Variants in GFAP observed in about 807,000 individuals in gnomAD.
The protein encoded by GFAP is intermediate filament protein.
Under a neutral mutation model 49.3 loss-of-function variants are expected in GFAP, and 38 were observed. The observed-to-expected ratio is 0.77, with a 90% CI of 0.60 to 1.01. The LOEUF (loss-of-function observed/expected upper bound fraction) is 1.01, where lower values mean the gene tolerates loss of function less well. GFAP is among the 50% of genes least tolerant of loss of function. The pLI, the probability that GFAP is intolerant of heterozygous loss-of-function variation, is 0.00. For synonymous variants in GFAP, 222 were observed against 236.4 expected, an observed-to-expected ratio of 0.94 and a Z score of 0.56; for missense variants, 463 against 579.1, an observed-to-expected ratio of 0.80 and a Z score of 2.06.
chr17:44,915,238 G>A lies in GFAP; in HGVS notation c.249C>T (p.Tyr83=), dbSNP rs376445684. ...GTTCCAGGAAGCGAACCTTCTCGAT[G>A]TAGCTGGCAAAGCGGTCATTGAGCT... The part of the protein sequence containing the change: ...MMELNDRFAS[Y]IEKVRFLEQQ... The change falls in exon 1 of 9, where the codon TAC becomes TAT. Residue 83 remains tyrosine (Y), a synonymous_variant. Coordinates refer to ENST00000588735, the MANE Select transcript of GFAP (RefSeq NM_002055.5). The surrounding 1 kb of genome is among the most constrained non-coding windows in gnomAD (Gnocchi z 4.1). The A allele has an allele frequency of 6.2e-7, 1 of 1,614,234 alleles. No homozygotes were observed. The highest frequency in any genetic ancestry group is 8.5e-7 in the Non-Finnish European group (1 of 1,180,040).
chr17:44,911,472 G>A lies in GFAP; in HGVS notation c.907-16C>T, dbSNP rs751906242. The A allele has an allele frequency of 3.8e-6, 6 of 1,589,548 alleles. No individual in the cohort carries two copies. The South Asian group carries it at 4.5e-5, about 12-fold the overall frequency. ...GGGACTCGTTCTGTGGGATGGAGCC[G>A]GCCGGTCCCGCGGAGCCCCGACCCG... On this transcript the variant is annotated splice_polypyrimidine_tract_variant and intron_variant, in intron 5 of 8. Coordinates refer to ENST00000588735, the MANE Select transcript of GFAP (RefSeq NM_002055.5).
Position 44,915,418 on chromosome 17 carries a change from C to T in GFAP, c.69G>A (p.Gly23=), listed in dbSNP as rs773164745. 1.1e-5 allele frequency: 18 copies of T among 1,608,068 alleles called. No individual in the cohort carries two copies. The East Asian group carries it at 1.8e-4, about 16-fold the overall frequency. ...CCAGACGGCGGCCAGGAGCCAGGCCCCCCACCATCATCTCCCCTGAGGAGA... is the reference window on the plus strand; with the variant it reads ...CCAGACGGCGGCCAGGAGCCAGGCCTCCCACCATCATCTCCCCTGAGGAGA... ...SYVSSGEMMV[G]GLAPGRRLGP... is the part of the protein sequence containing the mutation. Residue 23 remains glycine, a synonymous_variant, in exon 1 of 9, where the codon GGG becomes GGA. Coordinates refer to ENST00000588735, the MANE Select transcript of GFAP (RefSeq NM_002055.5). The surrounding 1 kb of genome is among the most constrained non-coding windows in gnomAD (Gnocchi z 4.1).
Position 44,913,760 on chromosome 17 carries a change from C to A in GFAP, c.586G>T (p.Glu196Ter), listed in dbSNP as rs199715194. The A allele has an allele frequency of 2.5e-6, 4 of 1,613,944 alleles. No homozygotes were observed. The African/African-American group carries it at 5.3e-5, about 22-fold the overall frequency. The change falls in exon 3 of 9, where the codon GAG becomes TAG. Residue 196 changes from glutamate to a stop codon, truncating the protein, a stop_gained. Coordinates refer to ENST00000588735, the MANE Select transcript of GFAP (RefSeq NM_002055.5). LOFTEE classifies it high-confidence loss of function. ...TGGATCTTCCTCAAGAACCGGATCT[C>A]CTCCTCCAGCGACTCAATCTTCCTC... ...LERKIESLEE[E>*]IRFLRKIHEE...
Position 44,906,242 on chromosome 17 carries a change from C to T in GFAP, c.*1105G>A, listed in dbSNP as rs1033241397. On this transcript the variant is annotated 3_prime_UTR_variant, in exon 9 of 9. Transcript: ENST00000588735. ...CTGCCCCCATGGATACATCCCCTTT[C>T]TCTCCTGTTTCAGCATCTTCAAGAG... 4 of 152,304 alleles carry T rather than the reference C, an allele frequency of 2.6e-5. No individual in the cohort carries two copies. The highest frequency in any genetic ancestry group is 2.6e-4 in the Admixed American group (4 of 15,286). 9.4% of individuals were successfully genotyped at this position (152,304 alleles called of 1,614,324 possible). A position where few individuals can be genotyped will look rare whatever the true frequency, so the allele number is the denominator to read the frequency against.
intron 8 of GFAP, 80 bp downstream of exon 8, chr17:44,907,984 C>T (rs2051678308): frequency 3.1e-6 from 3 of 974,370 alleles, no homozygotes; most frequent in Admixed American, 1.7e-5. Context: ...TATGTGCCAG[C>T]CCCAGGCTTT....
intron 7 of GFAP, chr17:44,908,417 A>C: frequency 2.5e-6 from 1 of 394,176 alleles, no homozygotes; most frequent in Non-Finnish European, 4.6e-6. Flanking sequence ...GCTTTCTGAA[A>C]ACCCAGCACG....
rs1206812742 is a variant in GFAP, at chr17:44,904,858, C to G, written c.*2489G>C. ...CCCAGCTGGATGACCGGGGCATCTACTATTGCTGGAGGCAGGGTGTGCTAG... is the reference window on the plus strand; with the variant it reads ...CCCAGCTGGATGACCGGGGCATCTAGTATTGCTGGAGGCAGGGTGTGCTAG... On this transcript the variant is annotated 3_prime_UTR_variant, in exon 9 of 9. Coordinates refer to ENST00000588735, the MANE Select transcript of GFAP (RefSeq NM_002055.5). 6.4e-7 allele frequency: 1 copy of G among 1,550,564 alleles called. No individual in the cohort carries two copies. Among genetic ancestry groups the G allele is most frequent in the African/African-American group, 1.4e-5 (1 of 73,056 alleles).
At chr17:44,914,523 G>A (rs1017281427) in intron 1 of GFAP, 6 of 222,992 alleles carry the variant, frequency 2.7e-5, no homozygotes, top group Non-Finnish European at 5.3e-5. Context: ...TCACAGCTGT[G>A]CAAGTCAAAG....
chr17:44,903,905 A>G lies in GFAP; in HGVS notation c.*3442T>C. On this transcript the variant is annotated 3_prime_UTR_variant, in exon 9 of 9. Transcript: ENST00000588735. ...CTTTGAAATTGTGGAGAAGGAAAAC[A>G]TTTTTCAGAGGACCCCCTGCCCTGC... is the stretch of plus-strand genomic sequence containing the variant. 6.4e-7 allele frequency: 1 copy of G among 1,550,540 alleles called. No individual in the cohort carries two copies. The highest frequency in any genetic ancestry group is 8.7e-7 in the Non-Finnish European group (1 of 1,146,962).
chr17:44,913,940 C>CAGCCCGCCAGAGCAA, intron 2 of GFAP, 88 bp downstream of exon 2: 1 of 1,303,360 alleles, frequency 7.7e-7, no homozygotes, highest in Non-Finnish European at 1.1e-6. Flanking sequence ...GCACATTGCT[C>CAGCCCGCCAGAGCAA]TGGCGGGCTG....
chr17:44,903,892 G>A lies in GFAP; in HGVS notation c.*3455C>T. The A allele has an allele frequency of 1.3e-6, 2 of 1,550,592 alleles. No homozygotes were observed. The highest frequency in any genetic ancestry group is 2.0e-5 in the Admixed American group (1 of 51,002). ...GGGGGCTCCAGGCCTTTGAAATTGT[G>A]GAGAAGGAAAACATTTTTCAGAGGA... is the stretch of plus-strand genomic sequence containing the variant. On this transcript the variant is annotated 3_prime_UTR_variant, in exon 9 of 9. Transcript: ENST00000588735.
Position 44,915,046 on chromosome 17 carries a change from G to A in GFAP, c.441C>T (p.Asp147=). 6.2e-7 allele frequency: 1 copy of A among 1,612,092 alleles called. No homozygotes were observed. The highest frequency in any genetic ancestry group is 8.5e-7 in the Non-Finnish European group (1 of 1,179,932). The change falls in exon 1 of 9, where the codon GAC becomes GAT. Residue 147 remains aspartate (D), a synonymous_variant. Transcript: ENST00000588735. The surrounding 1 kb of genome is among the most constrained non-coding windows in gnomAD (Gnocchi z 4.1). ...CTCACTTCTGCCTCACAGTGGCCAGGTCCTGTGCCAGATTGTCCCTCTCAA... is the reference window on the plus strand; with the variant it reads ...CTCACTTCTGCCTCACAGTGGCCAGATCCTGTGCCAGATTGTCCCTCTCAA... ...LEVERDNLAQ[D]LATVRQKLQD...
At chr17:44,908,212 GC>G in intron 7 of GFAP, 63 bp from the exon 8 acceptor site, 1 of 1,168,800 alleles carries the variant, frequency 8.6e-7, no homozygotes, top group Non-Finnish European at 1.3e-6. Flanking sequence ...CCTCTCCCAT[GC>G]CCGGCTTCCC....
Position 44,905,098 on chromosome 17 carries a change from T to C in GFAP, c.*2249A>G, listed in dbSNP as rs1476641435. On this transcript the variant is annotated 3_prime_UTR_variant, in exon 9 of 9. Transcript: ENST00000588735. ...AGCTCTCTTCAGCTCTGAAGACCAGTTGTCCTTCAATGTGTTTGTTAAATG... is the reference window on the plus strand; with the variant it reads ...AGCTCTCTTCAGCTCTGAAGACCAGCTGTCCTTCAATGTGTTTGTTAAATG... 6 of 1,484,442 alleles carry C rather than the reference T, an allele frequency of 4.0e-6. No homozygotes were observed. In the African/African-American group the frequency reaches 7.0e-5, roughly 17 times the overall value. The allele number at this position is 1,484,442 out of a possible 1,614,324, so 92.0% of individuals were successfully genotyped here.
Position 44,913,744 on chromosome 17 carries a change from C to G in GFAP, c.602G>C (p.Arg201Thr). 1.9e-6 allele frequency: 3 copies of G among 1,613,894 alleles called. No individual in the cohort carries two copies. Among genetic ancestry groups the G allele is most frequent in the Non-Finnish European group, 2.5e-6 (3 of 1,179,772 alleles). Residue 201 changes from arginine to threonine, a missense_variant, in exon 3 of 9, where the codon AGG becomes ACG. Around this residue, in one of 3 missense-constraint regions of GFAP, gnomAD observed 362 missense variants for 445.5 expected, o/e 0.81. Transcript: ENST00000588735. ...ESLEEEIRFL[R>T]KIHEEEVREL... is the part of the protein sequence containing the mutation. ...TGGCCTCACCTCCTCGTGGATCTTC[C>G]TCAAGAACCGGATCTCCTCCTCCAG...
In GFAP at chr17:44,907,470, C is replaced by A. The variant is rs1301728658; in HGVS notation, c.1258-82G>T. The A allele has an allele frequency of 3.3e-5, 33 of 1,007,562 alleles. No individual in the cohort carries two copies. The East Asian group carries it at 3.4e-4, about 10-fold the overall frequency. The allele number at this position is 1,007,562 out of a possible 1,614,324, so 62.4% of individuals were successfully genotyped here. On this transcript the variant is annotated intron_variant, in intron 8 of 8. Transcript: ENST00000588735. ...GGTCCACCACCACGAGGCTGTGTAACCTTGGGAAGTCCCCGACTTCCCAGG... is the reference window on the plus strand; with the variant it reads ...GGTCCACCACCACGAGGCTGTGTAAACTTGGGAAGTCCCCGACTTCCCAGG...
rs1183901908 is a variant in GFAP, at chr17:44,905,422, A to T, written c.*1925T>A. ...CTGCTTTGCTTTCTTGCCTATGAAG[A>T]TTGTGCTGGTTGAGTTGCAGGTAGC... On this transcript the variant is annotated 3_prime_UTR_variant, in exon 9 of 9. Coordinates refer to ENST00000588735, the MANE Select transcript of GFAP (RefSeq NM_002055.5). The T allele has an allele frequency of 4.4e-6, 1 of 226,234 alleles. No individual in the cohort carries two copies. The allele number at this position is 226,234 out of a possible 1,614,324, so 14.0% of individuals were successfully genotyped here.
chr17:44,911,572 C>T, intron 5 of GFAP, 100 bp downstream of exon 5: 7 of 1,576,238 alleles, frequency 4.4e-6, no homozygotes, highest in Admixed American at 3.4e-5. Context: ...TCAGGCCCCG[C>T]CCTCGACCCA....
chr17:44,910,197 A>G (rs2051728378), intron 7 of GFAP: 4 of 1,613,888 alleles, frequency 2.5e-6, no homozygotes, highest in Non-Finnish European at 3.4e-6. Context: ...TATAACTCGT[A>G]TTGTGAGGCT....
Sources: gnomAD v4.1 joint callset for allele counts on GRCh38, gnomAD v4.1.1 for gene constraint, gnomAD v4.1.1 regional missense constraint, Gnocchi (gnomAD v3.1) non-coding constraint, MANE v1.5 for transcripts, NCBI Gene and HGNC (gene_info 2026-07-23, HGNC 2026-07-21) for gene names.